ROBO1: variants seen among roughly 807,000 people sequenced by gnomAD.
The protein encoded by ROBO1 is roundabout guidance receptor 1, also known as roundabout homolog 1.
In ROBO1, 149 loss-of-function variants were observed where a neutral mutation model predicts 195.9. The ratio of observed to expected loss-of-function variants is 0.76; its 90% CI spans 0.67 to 0.87. The LOEUF (loss-of-function observed/expected upper bound fraction) is 0.87. Ranked by LOEUF, ROBO1 falls within the 40% of genes least tolerant of loss-of-function variation. The pLI is 0.00. For synonymous variants in ROBO1, 816 were observed against 733.2 expected (o/e 1.11, Z -1.82); for missense variants, 1,933 against 2,068.3 (o/e 0.93, Z 1.27).
intron 1 of ROBO1, among the ~76,000 whole-genome samples, chr3:79,687,498 A>C (rs919510316): frequency 5.3e-5 from 8 of 152,186 alleles, no homozygotes; most frequent in African/African-American, 1.9e-4. Flanking sequence ...AATATCCAGA[A>C]TCTACAATGA....
intron 1 of ROBO1, among the ~76,000 whole-genome samples, chr3:79,665,014 CTT>C (rs1300987828): frequency 6.6e-6 from 1 of 151,882 alleles, no homozygotes; most frequent in African/African-American, 2.4e-5. Flanking sequence ...ACTGAAATAA[CTT>C]AAGCCACATA....
At chr3:79,204,675 A>G (rs1362584902) in intron 2 of ROBO1, among the ~76,000 whole-genome samples, 1 of 152,062 alleles carries the variant, frequency 6.6e-6, no homozygotes, top group African/African-American at 2.4e-5. Context: ...GAGGTTTCCC[A>G]TTTCCTATGA....
chr3:79,070,921 G>GTTTTTTTTTTTT (rs1576638761), intron 3 of ROBO1, among the ~76,000 whole-genome samples: 1 of 151,232 alleles, frequency 6.6e-6, no homozygotes, highest in East Asian at 2.0e-4. Flanking sequence ...TTTTTTATTA[G>GTTTTTTTTTTTT]TTATTTTTTA....
intron 14 of ROBO1, among the ~76,000 whole-genome samples, chr3:78,664,404 TACAC>T (rs1707614903): frequency 1.3e-5 from 2 of 152,140 alleles, no homozygotes; most frequent in African/African-American, 2.4e-5. Flanking sequence ...TCAAGAATGA[TACAC>T]AGACAGGGCA....
At chr3:79,594,836 T>A (rs1021358906) in intron 1 of ROBO1, among the ~76,000 whole-genome samples, 6 of 152,146 alleles carry the variant, frequency 3.9e-5, no homozygotes, top group African/African-American at 1.4e-4. Context: ...TCCAGGGTAA[T>A]GACGGAACCA....
At chr3:79,425,949 C>A (rs2038429509) in intron 2 of ROBO1, among the ~76,000 whole-genome samples, 1 of 152,086 alleles carries the variant, frequency 6.6e-6, no homozygotes, top group African/African-American at 2.4e-5. Flanking sequence ...CAGCTGTTCT[C>A]AAATAATTTT....
intron 3 of ROBO1, among the ~76,000 whole-genome samples, chr3:79,035,623 G>T (rs1261190433): frequency 6.6e-6 from 1 of 152,044 alleles, no homozygotes; most frequent in African/African-American, 2.4e-5. Context: ...TACTCTGGAG[G>T]CTAAGGTGGG....
At chr3:78,791,454 C>T (rs191044973) in intron 4 of ROBO1, among the ~76,000 whole-genome samples, 1 of 152,264 alleles carries the variant, frequency 6.6e-6, no homozygotes, top group African/African-American at 2.4e-5. Flanking sequence ...TTGGGAAAGC[C>T]ACCAAGTTTA....
chr3:78,840,617 C>T (rs1002210154), intron 4 of ROBO1, among the ~76,000 whole-genome samples: 12 of 152,156 alleles, frequency 7.9e-5, no homozygotes, highest in Admixed American at 4.6e-4. Flanking sequence ...ACTCACTCTA[C>T]TATCAAACCT....
chr3:78,783,780 C>T (rs749146547), intron 4 of ROBO1, among the ~76,000 whole-genome samples: 12 of 152,144 alleles, frequency 7.9e-5, no homozygotes, highest in South Asian at 2.1e-4. Flanking sequence ...TGCTTTTTAG[C>T]ACTCCTTAGA....
intron 2 of ROBO1, among the ~76,000 whole-genome samples, chr3:79,277,168 C>G (rs1419378719): frequency 1.3e-5 from 2 of 151,982 alleles, no homozygotes; most frequent in African/African-American, 4.8e-5. Context: ...ATCTGCTCTC[C>G]AATGTGTATT....
chr3:79,225,165 TG>T (rs536247792), intron 2 of ROBO1, among the ~76,000 whole-genome samples: 5 of 151,964 alleles, frequency 3.3e-5, no homozygotes, highest in Non-Finnish European at 7.4e-5. Flanking sequence ...AGTAATTCTT[TG>T]GGGGGGAAAT....
intron 2 of ROBO1, among the ~76,000 whole-genome samples, chr3:79,190,246 G>A (rs2081513446): frequency 6.6e-6 from 1 of 151,608 alleles, no homozygotes. Flanking sequence ...CAGAAATGAG[G>A]ATCCCTTAAT....
At chr3:79,729,738 A>G (rs1198037039) in intron 1 of ROBO1, among the ~76,000 whole-genome samples, 1 of 152,212 alleles carries the variant, frequency 6.6e-6, no homozygotes, top group African/African-American at 2.4e-5. Context: ...CTATACACAC[A>G]AACTGTTTGC....
chr3:79,462,508 T>A (rs932708769), intron 2 of ROBO1, among the ~76,000 whole-genome samples: 1 of 152,236 alleles, frequency 6.6e-6, no homozygotes, highest in Non-Finnish European at 1.5e-5. Flanking sequence ...ACTATATGTG[T>A]AACCTTTTAA....
chr3:78,748,891 A>T (rs967315144), intron 4 of ROBO1, among the ~76,000 whole-genome samples: 2 of 152,160 alleles, frequency 1.3e-5, no homozygotes, highest in African/African-American at 2.4e-5. Context: ...ATCTCGCCAA[A>T]CTGTTTAAAT....
chr3:79,141,199 A>G (rs1205623412), intron 2 of ROBO1, among the ~76,000 whole-genome samples: 1 of 151,988 alleles, frequency 6.6e-6, no homozygotes, highest in Non-Finnish European at 1.5e-5. Flanking sequence ...TTGGGCCCAG[A>G]TCATGTGACG....
chr3:79,762,430 C>T (rs565560324), intron 1 of ROBO1, among the ~76,000 whole-genome samples: 34 of 151,798 alleles, frequency 2.2e-4, no homozygotes, highest in Admixed American at 4.6e-4. Context: ...ATAGTAGAAA[C>T]GAATAAATGA....
chr3:78,795,202 C>CA (rs1173852865), intron 4 of ROBO1, among the ~76,000 whole-genome samples: 1 of 152,100 alleles, frequency 6.6e-6, no homozygotes, highest in Admixed American at 6.6e-5. Context: ...TGATCAATTA[C>CA]ACAAGAAAAC....
Sources: allele counts gnomAD v4.1 joint callset (sites outside exome capture counted in the v4.1 genomes callset), GRCh38; gene constraint gnomAD v4.1.1; transcripts MANE v1.5; gene names NCBI Gene and HGNC (gene_info 2026-07-23, HGNC 2026-07-21).